Variants in RANBP17 observed in about 807,000 individuals in gnomAD.
RANBP17 encodes ran-binding protein 17.
RANBP17 carries 158 observed loss-of-function variants against 141.2 expected under a neutral mutation model. The observed-to-expected ratio is 1.12, with a 90% CI of 0.98 to 1.28. The LOEUF (loss-of-function observed/expected upper bound fraction) is 1.28, where lower values mean the gene tolerates loss of function less well. Ranked by LOEUF, RANBP17 falls within the 50% of genes most tolerant of loss-of-function variation. The pLI is 0.00. For synonymous variants in RANBP17, 430 were observed against 450.0 expected (o/e 0.96, Z 0.56); for missense variants, 1,438 against 1,290.7 (o/e 1.11, Z -1.75).
chr5:170,969,808 T>C (rs927128415), intron 14 of RANBP17, among the ~76,000 whole-genome samples: 1 of 152,070 alleles, frequency 6.6e-6, no homozygotes, highest in Non-Finnish European at 1.5e-5. Context: ...AAGCTTGCAC[T>C]TTAGGAAAAA....
At chr5:170,882,483 T>C (rs1768794087) in intron 3 of RANBP17, among the ~76,000 whole-genome samples, 1 of 152,188 alleles carries the variant, frequency 6.6e-6, no homozygotes, top group East Asian at 1.9e-4. Context: ...TTTTGAGTTA[T>C]CCTCATTTCA....
At chr5:171,004,834 A>G (rs1779471078) in intron 14 of RANBP17, among the ~76,000 whole-genome samples, 1 of 152,182 alleles carries the variant, frequency 6.6e-6, no homozygotes, top group Admixed American at 6.5e-5. Context: ...CCCAGTGGCC[A>G]GGCTTTTGGC....
At chr5:170,870,032 A>G (rs1208600154) in intron 1 of RANBP17, among the ~76,000 whole-genome samples, 2 of 152,106 alleles carry the variant, frequency 1.3e-5, no homozygotes, top group South Asian at 2.1e-4. Flanking sequence ...GTCAAAGTCT[A>G]CTTCAAAGAA....
rs1473945399 is a variant in RANBP17, at chr5:171,299,776, G to C, written c.*918G>C. 1.3e-5 allele frequency: 3 copies of C among 226,144 alleles called. 1 individual carries two copies. The highest frequency in any genetic ancestry group is 2.6e-5 in the Non-Finnish European group (3 of 113,668). 14.0% of individuals were successfully genotyped at this position (226,144 alleles called of 1,614,324 possible). A position where few individuals can be genotyped will look rare whatever the true frequency, so the allele number is the denominator to read the frequency against. ...TCCACAAAAACTCTTATTACTGTTGGGACTTGGGATTCTGACTCACCCCAA... is the reference window on the plus strand; with the variant it reads ...TCCACAAAAACTCTTATTACTGTTGCGACTTGGGATTCTGACTCACCCCAA... On this transcript the variant is annotated 3_prime_UTR_variant, in exon 28 of 28. Coordinates refer to ENST00000523189, the MANE Select transcript of RANBP17 (RefSeq NM_022897.5).
intron 18 of RANBP17, among the ~76,000 whole-genome samples, chr5:171,189,927 A>G (rs1360211651): frequency 6.6e-6 from 1 of 152,190 alleles, no homozygotes; most frequent in African/African-American, 2.4e-5. Context: ...ATAGATTCAT[A>G]TATTAAATGA....
chr5:171,060,840 A>C (rs954723682), intron 14 of RANBP17, among the ~76,000 whole-genome samples: 29 of 152,160 alleles, frequency 1.9e-4, no homozygotes, highest in African/African-American at 6.7e-4. Flanking sequence ...ACAATTTCAG[A>C]GCCTGTTATT....
chr5:170,948,736 C>A (rs1290775931), intron 12 of RANBP17, among the ~76,000 whole-genome samples: 1 of 152,032 alleles, frequency 6.6e-6, no homozygotes, highest in Non-Finnish European at 1.5e-5. Flanking sequence ...ATCCATGGGA[C>A]CCAAAATAGC....
chr5:171,152,178 C>T (rs1481466545), intron 14 of RANBP17, among the ~76,000 whole-genome samples: 1 of 151,360 alleles, frequency 6.6e-6, no homozygotes, highest in Non-Finnish European at 1.5e-5. Context: ...TTTGGGAGTC[C>T]GAGGCAGGAG....
chr5:170,971,812 A>G (rs1236168062), intron 14 of RANBP17, among the ~76,000 whole-genome samples: 1 of 151,984 alleles, frequency 6.6e-6, no homozygotes, highest in South Asian at 2.1e-4. Flanking sequence ...AAAGTATTCT[A>G]CTTGCCCTCT....
intron 14 of RANBP17, among the ~76,000 whole-genome samples, chr5:171,053,922 TATAATTGCTG>T (rs1783164631): frequency 9.9e-5 from 5 of 50,440 alleles, no homozygotes; most frequent in South Asian, 1.2e-3. Flanking sequence ...TATATATATA[TATAATTGCTG>T]TATTTGATGC....
Position 171,292,884 on chromosome 5 carries a change from A to G in RANBP17, c.2944-999A>G, listed in dbSNP as rs549455585. Among the ~76,000 whole-genome samples, 4 of 152,306 alleles carry G rather than the reference A, an allele frequency of 2.6e-5. No homozygotes were observed. In the South Asian group the frequency reaches 8.3e-4, roughly 32 times the overall value. ...AGCATGTCTCATCTGTGCTGCAAAC[A>G]TATCACTAGCTCCCCACTACCATCA... On this transcript the variant is annotated intron_variant, in intron 25 of 27. Coordinates refer to ENST00000523189, the MANE Select transcript of RANBP17 (RefSeq NM_022897.5).
intron 14 of RANBP17, among the ~76,000 whole-genome samples, chr5:171,013,344 A>G (rs538510281): frequency 3.9e-5 from 6 of 152,216 alleles, no homozygotes; most frequent in African/African-American, 9.6e-5. Flanking sequence ...GAGAAACCAC[A>G]TAGCCCCTTT....
At chr5:171,160,829 G>A (rs900127737) in intron 14 of RANBP17, among the ~76,000 whole-genome samples, 1 of 151,846 alleles carries the variant, frequency 6.6e-6, no homozygotes, top group African/African-American at 2.4e-5. Flanking sequence ...TCTCACTCTT[G>A]TCGCCCAGGC....
At chr5:171,121,641 G>A (rs187271603) in intron 14 of RANBP17, among the ~76,000 whole-genome samples, 1 of 152,274 alleles carries the variant, frequency 6.6e-6, no homozygotes, top group African/African-American at 2.4e-5. Context: ...CCAGACTGTT[G>A]TTCTGGGTAG....
At chr5:171,124,520 A>T (rs1756283651) in intron 14 of RANBP17, among the ~76,000 whole-genome samples, 1 of 152,206 alleles carries the variant, frequency 6.6e-6, no homozygotes, top group African/African-American at 2.4e-5. Flanking sequence ...AGGAAACTCA[A>T]AGATCCCCTA....
rs763981721 is a variant in RANBP17 at position 170,892,420 on chromosome 5, C to A, written c.290C>A (p.Pro97His). 1 of 1,613,000 alleles carries A rather than the reference C, an allele frequency of 6.2e-7. No individual in the cohort carries two copies. The highest frequency in any genetic ancestry group is 8.5e-7 in the Non-Finnish European group (1 of 1,179,590). ...ATTCTGAATTACGTGGCATCACAGC[C>A]CAAGCTGGCTCCCTTTGTCATCCAA... ...NYILNYVASQ[P>H]KLAPFVIQAL... Residue 97 changes from proline to histidine, a missense_variant, in exon 4 of 28, where the codon CCC becomes CAC. Coordinates refer to ENST00000523189, the MANE Select transcript of RANBP17 (RefSeq NM_022897.5).
Position 171,295,969 on chromosome 5 carries a change from T to C in RANBP17, c.3125T>C (p.Leu1042Pro). Residue 1042 changes from leucine (L) to proline (P), a missense_variant, in exon 27 of 28, where the codon CTA becomes CCA. Physicochemically the swap from Leu to Pro is moderately conservative, Grantham distance 98. Coordinates refer to ENST00000523189, the MANE Select transcript of RANBP17 (RefSeq NM_022897.5). ...QEVLAQCFRN[L>P]MEGVEQNLSV... The stretch of plus-strand genomic sequence containing the variant: ...GTCCTTGCCCAGTGCTTCAGAAACC[T>C]AATGGAAGGAGTGGAGCAGAACCTG... The C allele has an allele frequency of 6.2e-7, 1 of 1,613,858 alleles. No homozygotes were observed. The highest frequency in any genetic ancestry group is 8.5e-7 in the Non-Finnish European group (1 of 1,179,814).
intron 22 of RANBP17, among the ~76,000 whole-genome samples, chr5:171,230,149 A>G (rs576905868): frequency 6.6e-6 from 1 of 152,208 alleles, no homozygotes; most frequent in Non-Finnish European, 1.5e-5. Context: ...TCAAGAAAGA[A>G]TTATGATGTG....
intron 24 of RANBP17, among the ~76,000 whole-genome samples, chr5:171,253,338 G>A (rs1279095357): frequency 6.6e-6 from 1 of 152,158 alleles, no homozygotes; most frequent in Non-Finnish European, 1.5e-5. Context: ...AGAAAGAATC[G>A]GAATCTGTGC....
Sources: allele counts gnomAD v4.1 joint callset (sites outside exome capture counted in the v4.1 genomes callset), GRCh38; gene constraint gnomAD v4.1.1; transcripts MANE v1.5; gene names NCBI Gene and HGNC (gene_info 2026-07-23, HGNC 2026-07-21).